NCR1: variants seen among roughly 807,000 people sequenced by gnomAD.
NCR1 encodes natural cytotoxicity triggering receptor 1, also known as NK cell-activating receptor.
NCR1 carries 30 observed loss-of-function variants against 32.5 expected under a neutral mutation model. The ratio of observed to expected loss-of-function variants is 0.92; its 90% CI spans 0.69 to 1.25. The LOEUF is 1.25. Ranked by LOEUF, NCR1 falls within the 50% of genes most tolerant of loss-of-function variation. The pLI is 0.00. For synonymous variants in NCR1, 169 were observed against 143.4 expected (o/e 1.18, Z -1.28); for missense variants, 369 against 380.7 (o/e 0.97, Z 0.26).
At chr19:54,908,236 T>C (rs1412109717) in intron 3 of NCR1, among the ~76,000 whole-genome samples, 4 of 152,152 alleles carry the variant, frequency 2.6e-5, no homozygotes, top group African/African-American at 7.2e-5. Context: ...AAAGCACATC[T>C]TGCACCGCCC....
At chr19:54,922,570 G>C in the NCR1 span, among the ~76,000 whole-genome samples, 1 of 151,940 alleles carries the variant, frequency 6.6e-6, no homozygotes, top group African/African-American at 2.4e-5. Flanking sequence ...CTGAGGTCAG[G>C]AGTCCGAGAA....
In NCR1 at chr19:54,909,416, C is replaced by T. The variant is rs2067834034; in HGVS notation, c.527C>T (p.Pro176Leu). 1 of 1,613,794 alleles carries T rather than the reference C, an allele frequency of 6.2e-7. No homozygotes were observed. The highest frequency in any genetic ancestry group is 8.5e-7 in the Non-Finnish European group (1 of 1,180,036). The change falls in exon 4 of 7, where the codon CCC becomes CTC. Residue 176 changes from proline (P) to leucine (L), a missense_variant. Transcript: ENST00000291890. ...TACGGGAAGGTCCAGGCGGAGTTCC[C>T]CCTGGGCCCTGTGACCACAGCCCAC... ...RGYGKVQAEF[P>L]LGPVTTAHRG...
rs114139466 is a variant in NCR1, at chr19:54,906,724, G to A, written c.272G>A (p.Arg91His). 17 of 1,614,180 alleles carry A rather than the reference G, an allele frequency of 1.1e-5. No individual in the cohort carries two copies. Among genetic ancestry groups the A allele is most frequent in the African/African-American group, 4.0e-5 (3 of 75,054 alleles). ...VQFYIPDMNSRMAGQYSCIYR... is the reference protein window; with the variant it reads ...VQFYIPDMNSHMAGQYSCIYR... ...TTCTACATCCCGGACATGAACTCCC[G>A]CATGGCAGGGCAATACAGCTGCATC... is the stretch of plus-strand genomic sequence containing the variant. The change falls in exon 3 of 7, where the codon CGC becomes CAC. Residue 91 changes from arginine to histidine, a missense_variant. Physicochemically the swap from Arg to His is conservative, Grantham distance 29. Transcript: ENST00000291890.
At chr19:54,932,526 A>G in the NCR1 span, among the ~76,000 whole-genome samples, 1 of 152,152 alleles carries the variant, frequency 6.6e-6, no homozygotes, top group African/African-American at 2.4e-5. Flanking sequence ...TTTTCTAACC[A>G]TAATTTTAAT....
At chr19:54,935,744 C>T in the NCR1 span, among the ~76,000 whole-genome samples, 1 of 151,658 alleles carries the variant, frequency 6.6e-6, no homozygotes, top group African/African-American at 2.4e-5. Context: ...AGGTTGCATG[C>T]TCCTTATGAA....
chr19:54,932,192 C>A, the NCR1 span, among the ~76,000 whole-genome samples: 1 of 151,946 alleles, frequency 6.6e-6, no homozygotes, highest in Non-Finnish European at 1.5e-5. Context: ...CTTTGGGAGG[C>A]CGAGGCAGGC....
At chr19:54,912,307 G>T (rs1265793664) in intron 6 of NCR1, 89 bp downstream of exon 6, 4 of 1,359,940 alleles carry the variant, frequency 2.9e-6, no homozygotes, top group African/African-American at 2.9e-5. Flanking sequence ...GAACAAGAGG[G>T]TGTCCTTGGC....
At position 54,906,710 on chromosome 19, in the gene NCR1, G is replaced by C; in HGVS notation, c.258G>C (p.Pro86=). The C allele has an allele frequency of 6.2e-7, 1 of 1,614,156 alleles. No individual in the cohort carries two copies. Among genetic ancestry groups the C allele is most frequent in the South Asian group, 1.1e-5 (1 of 91,082 alleles). Reference sequence around the variant, plus strand: ...TTAACAAAGTCCAATTCTACATCCCGGACATGAACTCCCGCATGGCAGGGC... The same window carrying C: ...TTAACAAAGTCCAATTCTACATCCCCGACATGAACTCCCGCATGGCAGGGC... The part of the protein sequence containing the change: ...ERINKVQFYI[P]DMNSRMAGQY... Residue 86 remains proline, a synonymous_variant, in exon 3 of 7, where the codon CCG becomes CCC. Coordinates refer to ENST00000291890, the MANE Select transcript of NCR1 (RefSeq NM_004829.7).
At chr19:54,911,210 G>T (rs943491609) in intron 5 of NCR1, among the ~76,000 whole-genome samples, 1 of 151,960 alleles carries the variant, frequency 6.6e-6, no homozygotes, top group African/African-American at 2.4e-5. Flanking sequence ...TTATCCGGGC[G>T]TGGTGGCGGG....
downstream of NCR1, among the ~76,000 whole-genome samples, chr19:54,917,422 C>A (rs111918692): frequency 6.6e-6 from 1 of 151,976 alleles, no homozygotes; most frequent in African/African-American, 2.4e-5. Context: ...TGGGGTCTAG[C>A]GATTCTCCTG....
the NCR1 span, among the ~76,000 whole-genome samples, chr19:54,927,112 G>A: frequency 7.4e-4 from 106 of 144,196 alleles, no homozygotes; most frequent in African/African-American, 2.4e-3. Context: ...AAAAAGGCCG[G>A]GTGCAATGGC....
At chr19:54,918,982 T>TAA (rs34795470), downstream of NCR1, among the ~76,000 whole-genome samples, 865 of 134,194 alleles carry the variant, frequency 6.4e-3, 8 homozygotes, top group African/African-American at 0.021. Context: ...AAAACTGTCT[T>TAA]AAAAAAAAAA....
chr19:54,906,449 GC>G, intron 2 of NCR1, 73 bp from the exon 3 acceptor site: 3 of 1,600,060 alleles, frequency 1.9e-6, no homozygotes, highest in Non-Finnish European at 1.7e-6. Context: ...AGAGCTTGGG[GC>G]CAGCAGCTGG....
downstream of NCR1, among the ~76,000 whole-genome samples, chr19:54,919,565 A>G (rs939668544): frequency 4.6e-5 from 7 of 152,180 alleles, no homozygotes; most frequent in African/African-American, 1.4e-4. Flanking sequence ...TGGAACATGA[A>G]GGCGGACTAG....
chr19:54,936,435 G>C, the NCR1 span: 9 of 1,613,098 alleles, frequency 5.6e-6, no homozygotes, highest in Non-Finnish European at 7.6e-6. Context: ...TTTAATCCTA[G>C]GGAAAAGCAG....
downstream of NCR1, among the ~76,000 whole-genome samples, chr19:54,915,263 C>T (rs907968985): frequency 8.5e-5 from 13 of 152,070 alleles, no homozygotes; most frequent in Admixed American, 5.2e-4. Flanking sequence ...TGTGGCACAG[C>T]CTGCAACTTG....
chr19:54,900,598 G>T, the NCR1 span, among the ~76,000 whole-genome samples: 7 of 152,248 alleles, frequency 4.6e-5, no homozygotes, highest in South Asian at 1.0e-3. Flanking sequence ...AGGCCTGACA[G>T]TCTGGATCAC....
chr19:54,929,111 G>C, the NCR1 span, among the ~76,000 whole-genome samples: 1 of 152,188 alleles, frequency 6.6e-6, no homozygotes, highest in African/African-American at 2.4e-5. Context: ...GCTCATGCCT[G>C]TAATCCCAGC....
chr19:54,912,875 A>G lies in NCR1; in HGVS notation c.*4A>G. 6.2e-7 allele frequency: 1 copy of G among 1,612,016 alleles called. No individual in the cohort carries two copies. Among genetic ancestry groups the G allele is most frequent in the Non-Finnish European group, 8.5e-7 (1 of 1,179,602 alleles). ...GCTGAACACACAGACTCTTTGAAGA[A>G]TGACCATGAGACACAGTGGCCATGG... On this transcript the variant is annotated 3_prime_UTR_variant, in exon 7 of 7. Coordinates refer to ENST00000291890, the MANE Select transcript of NCR1 (RefSeq NM_004829.7).
Sources: gnomAD v4.1 joint callset for allele counts (sites outside exome capture counted in the v4.1 genomes callset) on GRCh38, gnomAD v4.1.1 for gene constraint, MANE v1.5 for transcripts, NCBI Gene and HGNC (gene_info 2026-07-23, HGNC 2026-07-21) for gene names.